KDM2A: variants seen among roughly 807,000 people sequenced by gnomAD.
KDM2A encodes the protein lysine-specific demethylase 2A.
A neutral mutation model predicts 137.3 loss-of-function variants in KDM2A; 3 were observed. That is an observed-to-expected ratio of 0.02 (90% CI 0.01 to 0.06). The LOEUF (loss-of-function observed/expected upper bound fraction) is 0.06, where lower values mean the gene tolerates loss of function less well. Ranked by LOEUF, KDM2A falls within the 10% of genes least tolerant of loss-of-function variation. The pLI is 1.00. For synonymous variants in KDM2A, 512 were observed against 541.5 expected, an observed-to-expected ratio of 0.95 and a Z score of 0.76; for missense variants, 738 against 1,510.6, an observed-to-expected ratio of 0.49 and a Z score of 8.48.
chr11:67,222,277 TAACGAGCATGCTGCCTTC>T (rs1345441286), intron 10 of KDM2A, among the ~76,000 whole-genome samples: 1 of 82,570 alleles, frequency 1.2e-5, no homozygotes, highest in Admixed American at 1.3e-4. Flanking sequence ...TGATGACTCT[TAACGAGCATGCTGCCTTC>T]AAGCATCTGT....
intron 6 of KDM2A, among the ~76,000 whole-genome samples, chr11:67,210,194 C>A (rs1369417763): frequency 6.6e-6 from 1 of 151,698 alleles, no homozygotes; most frequent in Non-Finnish European, 1.5e-5. Context: ...ATGGTGAAAC[C>A]CTGTCTCTAT....
chr11:67,231,848 T>G lies in KDM2A; in HGVS notation c.1367T>G (p.Phe456Cys). The change falls in exon 12 of 21, where the codon TTT becomes TGT. Residue 456 changes from phenylalanine (F) to cysteine (C), a missense_variant. Physicochemically the swap from Phe to Cys is radical, Grantham distance 205. This residue lies in a region of KDM2A where 71 missense variants were observed against 147.9 expected (regional missense o/e 0.48). Transcript: ENST00000529006. Reference protein sequence around the residue: ...RKDRQVHLTHFELEGLRCLVD... With the variant: ...RKDRQVHLTHCELEGLRCLVD... ...GACAGGCAAGTGCATCTGACCCATT[T>G]TGAGCTTGAAGGCCTTCGCTGCCTT... The G allele has an allele frequency of 6.2e-7, 1 of 1,614,058 alleles. No individual in the cohort carries two copies. The highest frequency in any genetic ancestry group is 8.5e-7 in the Non-Finnish European group (1 of 1,179,896).
intron 6 of KDM2A, among the ~76,000 whole-genome samples, chr11:67,212,737 C>G (rs1265465671): frequency 3.2e-4 from 49 of 151,658 alleles, no homozygotes; most frequent in Admixed American, 3.2e-3. Flanking sequence ...GACTGACTTT[C>G]TTGCTGCAAT....
intron 17 of KDM2A, among the ~76,000 whole-genome samples, chr11:67,251,501 C>T (rs898036520): frequency 6.6e-6 from 1 of 152,198 alleles, no homozygotes; most frequent in African/African-American, 2.4e-5. Flanking sequence ...TATATATTTA[C>T]TCTAGGATAT....
intron 2 of KDM2A, among the ~76,000 whole-genome samples, chr11:67,149,952 C>T (rs1856347971): frequency 2.0e-5 from 3 of 152,006 alleles, no homozygotes. Context: ...GAACTCCCGA[C>T]CTCAGGTGAC....
intron 2 of KDM2A, among the ~76,000 whole-genome samples, chr11:67,141,969 A>G (rs569844196): frequency 2.0e-5 from 3 of 152,124 alleles, no homozygotes; most frequent in African/African-American, 4.8e-5. Flanking sequence ...AATATTCTCC[A>G]ATTCCATCCA....
Position 67,121,356 on chromosome 11 carries a change from T to C in KDM2A, c.40T>C (p.Leu14=). ...AGAAAGGATTCGTTACAGCCAGAGATTGGTTAGTATTTTCTCCCCCCACCA... is the reference window on the plus strand; with the variant it reads ...AGAAAGGATTCGTTACAGCCAGAGACTGGTTAGTATTTTCTCCCCCCACCA... ...EEERIRYSQR[L]RGTMRRRYED... The change falls in exon 2 of 21, where the codon TTG becomes CTG. Residue 14 remains leucine (L), a splice_region_variant and synonymous_variant. Coordinates refer to ENST00000529006, the MANE Select transcript of KDM2A (RefSeq NM_012308.3). 2 of 1,613,412 alleles carry C rather than the reference T, an allele frequency of 1.2e-6. No individual in the cohort carries two copies. Among genetic ancestry groups the C allele is most frequent in the Non-Finnish European group, 1.7e-6 (2 of 1,179,524 alleles).
intron 5 of KDM2A, among the ~76,000 whole-genome samples, chr11:67,186,659 TAAGA>T (rs1332584009): frequency 6.6e-6 from 1 of 152,242 alleles, no homozygotes; most frequent in Non-Finnish European, 1.5e-5. Flanking sequence ...CTCCATAGTT[TAAGA>T]GACGAGCATA....
At chr11:67,188,545 C>A (rs1174043101) in intron 5 of KDM2A, among the ~76,000 whole-genome samples, 1 of 149,026 alleles carries the variant, frequency 6.7e-6, no homozygotes, top group Admixed American at 6.7e-5. Context: ...GTAATCCCAA[C>A]TTTGGGAGGC....
At chr11:67,168,624 C>G in intron 2 of KDM2A, among the ~76,000 whole-genome samples, 1 of 144,838 alleles carries the variant, frequency 6.9e-6, no homozygotes, top group Middle Eastern at 3.5e-3. Flanking sequence ...CACACACACA[C>G]ACACACACAC....
At chr11:67,169,376 TTTTC>T (rs1234206460) in intron 2 of KDM2A, among the ~76,000 whole-genome samples, 5 of 151,682 alleles carry the variant, frequency 3.3e-5, no homozygotes, top group African/African-American at 1.2e-4. Context: ...CTTTCTTTCT[TTTTC>T]TTTTTTTTTT....
At chr11:67,203,274 A>G (rs1274268092) in intron 5 of KDM2A, among the ~76,000 whole-genome samples, 2 of 151,746 alleles carry the variant, frequency 1.3e-5, no homozygotes, top group African/African-American at 4.8e-5. Flanking sequence ...TATAATGTAA[A>G]TATATGCACT....
intron 15 of KDM2A, among the ~76,000 whole-genome samples, chr11:67,247,078 T>TATATAA (rs1565424343): frequency 1.7e-4 from 13 of 77,778 alleles, no homozygotes; most frequent in African/African-American, 7.4e-4. Context: ...TATATTTTTT[T>TATATAA]TTTTTTTTTT....
intron 2 of KDM2A, among the ~76,000 whole-genome samples, chr11:67,146,126 G>C (rs1057407126): frequency 3.3e-5 from 5 of 151,306 alleles, no homozygotes; most frequent in African/African-American, 1.2e-4. Flanking sequence ...TGAGTAGCTG[G>C]GATTTCAGGC....
At chr11:67,238,104 A>G (rs1271775980) in intron 12 of KDM2A, among the ~76,000 whole-genome samples, 1 of 152,070 alleles carries the variant, frequency 6.6e-6, no homozygotes, top group Non-Finnish European at 1.5e-5. Flanking sequence ...TATTTTAAAT[A>G]TTTTCCTTAT....
At chr11:67,137,626 A>T (rs1453210010) in intron 2 of KDM2A, among the ~76,000 whole-genome samples, 2 of 152,166 alleles carry the variant, frequency 1.3e-5, no homozygotes, top group African/African-American at 4.8e-5. Flanking sequence ...CTTTTATTGA[A>T]ATAGGGTACA....
chr11:67,223,293 G>A (rs969532657), intron 10 of KDM2A, among the ~76,000 whole-genome samples: 2 of 151,986 alleles, frequency 1.3e-5, no homozygotes, highest in Admixed American at 6.6e-5. Flanking sequence ...TGGGTATGTG[G>A]TATCTCTTGG....
intron 6 of KDM2A, among the ~76,000 whole-genome samples, chr11:67,211,247 C>T (rs1445945931): frequency 2.0e-5 from 3 of 151,820 alleles, no homozygotes; most frequent in East Asian, 1.9e-4. Flanking sequence ...TAAAGTGGAC[C>T]CCCATTTTAA....
intron 10 of KDM2A, among the ~76,000 whole-genome samples, chr11:67,226,304 A>AT (rs1241294730): frequency 1.3e-5 from 2 of 152,102 alleles, no homozygotes; most frequent in Non-Finnish European, 2.9e-5. Flanking sequence ...TTGGCCAGAG[A>AT]TTCATTTGAT....
Sources: gnomAD v4.1 joint callset for allele counts (sites outside exome capture counted in the v4.1 genomes callset) on GRCh38, gnomAD v4.1.1 for gene constraint, gnomAD v4.1.1 regional missense constraint, MANE v1.5 for transcripts, NCBI Gene and HGNC (gene_info 2026-07-23, HGNC 2026-07-21) for gene names.